The following CENPC variants were observed in gnomAD, a reference collection of about 807,000 sequenced individuals.
CENPC encodes CENP-C 1.
In CENPC, 63 loss-of-function variants were observed where a neutral mutation model predicts 112.1. The observed-to-expected ratio is 0.56, with a 90% CI of 0.46 to 0.69. The LOEUF (loss-of-function observed/expected upper bound fraction) is 0.69, where lower values mean the gene tolerates loss of function less well. Among genes scored for constraint, CENPC ranks in the 30% least tolerant of loss-of-function variants. CENPC has a pLI of 0.00. For missense variants in CENPC, 1,000 were observed against 1,103.8 expected, an observed-to-expected ratio of 0.91 and a Z score of 1.33; for synonymous variants, 333 against 367.6, an observed-to-expected ratio of 0.91 and a Z score of 1.08.
rs572109696 is a variant in CENPC, at chr4:67,472,657, T to C, written c.2780A>G (p.Lys927Arg). 1.3e-5 allele frequency: 19 copies of C among 1,513,466 alleles called. No homozygotes were observed. In the East Asian group the frequency reaches 2.0e-4, roughly 16 times the overall value. 93.8% of individuals were successfully genotyped at this position (1,513,466 alleles called of 1,614,324 possible). A position where few individuals can be genotyped will look rare whatever the true frequency, so the allele number is the denominator to read the frequency against. Residue 927 changes from lysine to arginine, a missense_variant, in exon 19 of 19, where the codon AAA (lysine) becomes AGA (arginine). Lys to Arg is a conservative substitution (Grantham distance 26, BLOSUM62 2). Transcript: ENST00000273853. Reference protein sequence around the residue: ...YVPSGNYYNIKNLRNEESVLL... With the variant: ...YVPSGNYYNIRNLRNEESVLL... The stretch of plus-strand genomic sequence containing the variant: ...AACACTTTCCTCATTCCGGAGATTT[T>C]TGATGTTATAATAGTTACCTAAAAG...
intron 4 of CENPC, among the ~76,000 whole-genome samples, chr4:67,531,738 A>G (rs355478): frequency 0.61 from 93,034 of 151,994 alleles, 28,630 homozygotes; most frequent in East Asian, 0.81. Context: ...TGGCCCCTTG[A>G]GGAACACAGG....
In CENPC at chr4:67,472,080, C is replaced by T. The variant is rs1365794858; in HGVS notation, c.*525G>A. ...AAGGATTCTCTCCCTTACAGGTTTT[C>T]AAAGACATCACGGCCTTGACAACAC... On this transcript the variant is annotated 3_prime_UTR_variant, in exon 19 of 19. Coordinates refer to ENST00000273853, the MANE Select transcript of CENPC (RefSeq NM_001812.4). The T allele has an allele frequency of 6.6e-6, 1 of 152,192 alleles. No homozygotes were observed. The highest frequency in any genetic ancestry group is 1.9e-4 in the East Asian group (1 of 5,196). 9.4% of individuals were successfully genotyped at this position (152,192 alleles called of 1,614,324 possible). A position where few individuals can be genotyped will look rare whatever the true frequency, so the allele number is the denominator to read the frequency against.
chr4:67,533,368 ACCT>A (rs1726618216), intron 4 of CENPC, among the ~76,000 whole-genome samples: 1 of 151,836 alleles, frequency 6.6e-6, no homozygotes, highest in African/African-American at 2.4e-5. Flanking sequence ...GTCAAATTAA[ACCT>A]CCTTTTCTTC....
intron 7 of CENPC, among the ~76,000 whole-genome samples, chr4:67,517,454 G>A (rs931085653): frequency 5.3e-5 from 8 of 151,442 alleles, no homozygotes; most frequent in African/African-American, 1.9e-4. Flanking sequence ...GAGCCACCGC[G>A]CCCAGCAATA....
chr4:67,505,183 C>T (rs750912850), intron 12 of CENPC, 22 bp downstream of exon 12: 1 of 1,507,720 alleles, frequency 6.6e-7, no homozygotes, highest in Non-Finnish European at 9.0e-7. Context: ...AAAATCAAGA[C>T]AGAAAAAAAA....
chr4:67,490,004 T>C lies in CENPC; in HGVS notation c.2633A>G (p.Glu878Gly). Reference sequence around the variant, plus strand: ...GCCAACATGCTGCTTTCCCTTTTCTTCTTGTGGTCCTAATATCAATTTCCC... The same window carrying C: ...GCCAACATGCTGCTTTCCCTTTTCTCCTTGTGGTCCTAATATCAATTTCCC... Reference protein sequence around the residue: ...STGKLILGPQEEKGKQHVGQD... With the variant: ...STGKLILGPQGEKGKQHVGQD... The change falls in exon 17 of 19, where the codon GAA (glutamate) becomes GGA (glycine). Residue 878 changes from glutamate to glycine, a missense_variant. Glu to Gly is a moderately conservative substitution (Grantham distance 98). Transcript: ENST00000273853. 6.3e-7 allele frequency: 1 copy of C among 1,597,286 alleles called. No homozygotes were observed. The highest frequency in any genetic ancestry group is 8.5e-7 in the Non-Finnish European group (1 of 1,171,878).
At chr4:67,510,911 A>C in intron 9 of CENPC, 1 of 439,508 alleles carries the variant, frequency 2.3e-6, no homozygotes, top group Non-Finnish European at 4.6e-6. Flanking sequence ...ACTCTTAAAT[A>C]AGTGTTTTTT....
rs143086748 is a variant in CENPC at position 67,518,406 on chromosome 4, T to C, written c.618-38A>G. On this transcript the variant is annotated intron_variant, in intron 6 of 18. Transcript: ENST00000273853. ...AAGGAGGGTAAGCTGAATGCTCCCG[T>C]AACGTTTCTTGAGTTATAAGTCTTC... 126 of 1,472,398 alleles carry C rather than the reference T, an allele frequency of 8.6e-5. 1 individual carries two copies. The East Asian group carries it at 3.1e-3, about 37-fold the overall frequency. 91.2% of individuals were successfully genotyped at this position (1,472,398 alleles called of 1,614,324 possible).
At chr4:67,475,353 G>A (rs1724774631) in intron 17 of CENPC, among the ~76,000 whole-genome samples, 1 of 152,194 alleles carries the variant, frequency 6.6e-6, no homozygotes, top group Non-Finnish European at 1.5e-5. Flanking sequence ...TAAAATCTAA[G>A]AATGACACCC....
chr4:67,530,826 G>A lies in CENPC; in HGVS notation c.320C>T (p.Thr107Ile). ...LQFVVEPSEA[T>I]NRSVQAHEVH... ...GAGATGGCACCAACCTGATCTGTTT[G>A]TGGCTTCACTTGGTTCTACAACAAA... Residue 107 changes from threonine (T) to isoleucine (I), a missense_variant, in exon 5 of 19, where the codon ACA becomes ATA. Thr to Ile is a moderately conservative substitution (Grantham distance 89). Coordinates refer to ENST00000273853, the MANE Select transcript of CENPC (RefSeq NM_001812.4). 1.3e-6 allele frequency: 2 copies of A among 1,584,684 alleles called. No individual in the cohort carries two copies. The highest frequency in any genetic ancestry group is 1.7e-6 in the Non-Finnish European group (2 of 1,160,740).
chr4:67,479,539 C>A (rs1389990945), intron 17 of CENPC, among the ~76,000 whole-genome samples: 1 of 152,120 alleles, frequency 6.6e-6, no homozygotes, highest in Admixed American at 6.6e-5. Context: ...AATAGTGACA[C>A]AATCTATCAA....
At chr4:67,531,162 T>A (rs1711539155) in intron 4 of CENPC, among the ~76,000 whole-genome samples, 1 of 152,108 alleles carries the variant, frequency 6.6e-6, no homozygotes, top group African/African-American at 2.4e-5. Flanking sequence ...AAACAGCAAC[T>A]ATGTGGACAG....
chr4:67,495,433 A>G (rs575272262), intron 12 of CENPC, among the ~76,000 whole-genome samples: 1 of 152,200 alleles, frequency 6.6e-6, no homozygotes, highest in Non-Finnish European at 1.5e-5. Context: ...AGTTTGTCCA[A>G]TCCACCTTAT....
Position 67,492,916 on chromosome 4 carries a change from T to C in CENPC, c.2372A>G (p.Asn791Ser). 1 of 1,568,704 alleles carries C rather than the reference T, an allele frequency of 6.4e-7. No homozygotes were observed. The highest frequency in any genetic ancestry group is 8.7e-7 in the Non-Finnish European group (1 of 1,153,866). Residue 791 changes from asparagine (N) to serine (S), a missense_variant, in exon 15 of 19, where the codon AAC (asparagine) becomes AGC (serine). By Grantham distance (46) the Asn-to-Ser change is conservative. Coordinates refer to ENST00000273853, the MANE Select transcript of CENPC (RefSeq NM_001812.4). ...GATCCTTTTCTTATTAGATTTTTTG[T>C]TGACTTTTCCAATATTTTCTTTTGC... is the stretch of plus-strand genomic sequence containing the variant. ...RKAKENIGKV[N>S]KKSNKKRICL...
At position 67,545,467 on chromosome 4, in the gene CENPC, C is replaced by A. The variant is rs150026106; in HGVS notation, c.-112G>T. ...GCCGGAATACCAGGCCGCGGCCAAG[C>A]AATAACCTTAAGTCTCAGGCGACTG... is the stretch of plus-strand genomic sequence containing the variant. On this transcript the variant is annotated 5_prime_UTR_variant, in exon 1 of 19. Transcript: ENST00000273853. 2.3e-5 allele frequency: 27 copies of A among 1,187,740 alleles called. No individual in the cohort carries two copies. In the African/African-American group the frequency reaches 3.5e-4, roughly 15 times the overall value. 73.6% of individuals were successfully genotyped at this position (1,187,740 alleles called of 1,614,324 possible).
chr4:67,515,348 C>A (rs1165900697), intron 7 of CENPC, among the ~76,000 whole-genome samples: 1 of 151,716 alleles, frequency 6.6e-6, no homozygotes, highest in Non-Finnish European at 1.5e-5. Context: ...TGCCTGTAAT[C>A]CCAGCTACTT....
At chr4:67,519,761 T>G (rs551251507) in intron 5 of CENPC, among the ~76,000 whole-genome samples, 1 of 152,114 alleles carries the variant, frequency 6.6e-6, no homozygotes, top group African/African-American at 2.4e-5. Context: ...ATAACAGATA[T>G]AGAGAGATAC....
rs1019377230 is a variant in CENPC, at chr4:67,480,431, T to C, written c.2671-5453A>G. ...CAGAAAAGAGACAAATTCTTGGAAA[T>C]ACACAACCTTCTTAGATTAAACCAA... On this transcript the variant is annotated intron_variant, in intron 17 of 18. Transcript: ENST00000273853. Among the ~76,000 whole-genome samples the C allele has an allele frequency of 5.9e-5, 9 of 151,808 alleles. 1 individual carries two copies. Among genetic ancestry groups the C allele is most frequent in the African/African-American group, 1.5e-4 (6 of 41,364 alleles).
chr4:67,491,466 T>TAGAGAGAGAAAG (rs1560423175), intron 16 of CENPC, among the ~76,000 whole-genome samples: 1 of 61,330 alleles, frequency 1.6e-5, no homozygotes. Flanking sequence ...TATATATATA[T>TAGAGAGAGAAAG]ATATATATAT....
Sources: gnomAD v4.1 joint callset for allele counts (sites outside exome capture counted in the v4.1 genomes callset) on GRCh38, gnomAD v4.1.1 for gene constraint, MANE v1.5 for transcripts, NCBI Gene and HGNC (gene_info 2026-07-23, HGNC 2026-07-21) for gene names.